Variants in F13B observed in about 807,000 individuals in gnomAD.
The protein encoded by F13B is coagulation factor XIII B chain.
F13B carries 58 observed loss-of-function variants against 79.8 expected under a neutral mutation model. The observed-to-expected ratio is 0.73, with a 90% confidence interval of 0.59 to 0.90. F13B has a LOEUF of 0.90. F13B is among the 40% of genes least tolerant of loss of function. The pLI, the probability that F13B is intolerant of heterozygous loss-of-function variation, is 0.00. For synonymous variants in F13B, 283 were observed against 260.3 expected (o/e 1.09, Z -0.84); for missense variants, 773 against 777.0 (o/e 0.99, Z 0.06).
chr1:197,053,501 T>C (rs893527875), intron 8 of F13B, among the ~76,000 whole-genome samples: 2 of 152,106 alleles, frequency 1.3e-5, no homozygotes, highest in African/African-American at 4.8e-5. Flanking sequence ...CGTTCCATGC[T>C]TCTCCTTTGT....
chr1:197,044,155 T>C (rs1376153985), intron 10 of F13B, among the ~76,000 whole-genome samples: 4 of 151,994 alleles, frequency 2.6e-5, no homozygotes, highest in Non-Finnish European at 5.9e-5. Context: ...CAGTGAGAAA[T>C]GGTACACTCC....
At position 197,049,883 on chromosome 1, in the gene F13B, A is replaced by C. The variant is rs10922158; in HGVS notation, c.1738+814T>G. 1.1e-3 allele frequency among the ~76,000 whole-genome samples: 169 copies of C among 152,318 alleles called. 1 individual carries two copies. The East Asian group carries it at 0.024, about 21-fold the overall frequency. On this transcript the variant is annotated intron_variant, in intron 10 of 11. Transcript: ENST00000367412. ...TGCTTTAACATTCAAAAGAAGCAAT[A>C]TAATTCATTAAATTTGCAGGGGAAA... is the stretch of plus-strand genomic sequence containing the variant.
Position 197,046,525 on chromosome 1 carries a change from T to C in F13B, c.1738+4172A>G, listed in dbSNP as rs1655237480. On this transcript the variant is annotated intron_variant, in intron 10 of 11. Transcript: ENST00000367412. The stretch of plus-strand genomic sequence containing the variant: ...CGAAATAAAAGATGACACAAACAAA[T>C]GGAAGAACATTCCATGCTCATGGAT... Among the ~76,000 whole-genome samples, 3 of 152,124 alleles carry C rather than the reference T, an allele frequency of 2.0e-5. No individual in the cohort carries two copies. In the South Asian group the frequency reaches 6.2e-4, roughly 32 times the overall value.
intron 8 of F13B, among the ~76,000 whole-genome samples, chr1:197,055,263 G>A (rs1479760983): frequency 1.3e-5 from 2 of 151,814 alleles, no homozygotes; most frequent in Non-Finnish European, 2.9e-5. Context: ...ATGAGGATGC[G>A]GTGGTAAAAT....
At chr1:197,067,131 G>T in intron 1 of F13B, 29 bp downstream of exon 1, 2 of 1,331,768 alleles carry the variant, frequency 1.5e-6, no homozygotes, top group Non-Finnish European at 2.2e-6. Context: ...ATGTTTTAGA[G>T]AATAAAGAAT....
At chr1:197,050,377 A>G (rs1655399777) in intron 10 of F13B, among the ~76,000 whole-genome samples, 1 of 152,026 alleles carries the variant, frequency 6.6e-6, no homozygotes. Context: ...ATGTTTCCCT[A>G]ATGTTTTCTA....
intron 5 of F13B, among the ~76,000 whole-genome samples, chr1:197,058,145 C>T (rs907711574): frequency 3.3e-5 from 5 of 152,188 alleles, no homozygotes; most frequent in African/African-American, 2.4e-5. Flanking sequence ...ACACAGCAGG[C>T]ATTTTACATT....
chr1:197,040,149 C>A (rs1235104710), intron 11 of F13B: 4 of 168,896 alleles, frequency 2.4e-5, no homozygotes, highest in East Asian at 1.7e-4. Flanking sequence ...CATTTTCCAA[C>A]CTTTATTAGT....
At chr1:197,063,853 G>A (rs1158304854) in intron 1 of F13B, among the ~76,000 whole-genome samples, 1 of 151,528 alleles carries the variant, frequency 6.6e-6, no homozygotes, top group Non-Finnish European at 1.5e-5. Flanking sequence ...TTTAAGTACT[G>A]TCTCCAATAG....
At chr1:197,047,659 A>AT (rs1369885941) in intron 10 of F13B, among the ~76,000 whole-genome samples, 1 of 152,228 alleles carries the variant, frequency 6.6e-6, no homozygotes, top group East Asian at 1.9e-4. Flanking sequence ...CCAAAGGATT[A>AT]TAAGTCATTC....
In F13B at chr1:197,043,931, T is replaced by A. The variant is rs550286163; in HGVS notation, c.1739-3196A>T. ...ATCAAGTACATCAAGGTTCAAGGAA[T>A]GCTACTAACTTGAAGAACAAAATGT... On this transcript the variant is annotated intron_variant, in intron 10 of 11. Coordinates refer to ENST00000367412, the MANE Select transcript of F13B (RefSeq NM_001994.3). 1.2e-4 allele frequency among the ~76,000 whole-genome samples: 19 copies of A among 152,160 alleles called. No individual in the cohort carries two copies. The South Asian group carries it at 3.9e-3, about 32-fold the overall frequency.
intron 10 of F13B, 45 bp downstream of exon 10, chr1:197,050,652 A>G: frequency 6.4e-7 from 1 of 1,557,676 alleles, no homozygotes; most frequent in Non-Finnish European, 8.8e-7. Context: ...GCAAATTAAA[A>G]ATATATAGTT....
At chr1:197,057,514 T>C in intron 5 of F13B, 49 bp from the exon 6 acceptor site, 1 of 1,536,782 alleles carries the variant, frequency 6.5e-7, no homozygotes, top group Non-Finnish European at 8.9e-7. Context: ...TTACAAAAAA[T>C]AATAAAGATT....
At chr1:197,063,575 C>G (rs1393043913) in intron 1 of F13B, among the ~76,000 whole-genome samples, 3 of 152,068 alleles carry the variant, frequency 2.0e-5, no homozygotes, top group African/African-American at 7.2e-5. Context: ...CTGCTTTGGC[C>G]TCCCAAAGCA....
intron 7 of F13B, among the ~76,000 whole-genome samples, 181 bp downstream of exon 7, chr1:197,056,832 T>C (rs1571564126): frequency 6.6e-6 from 1 of 152,174 alleles, no homozygotes; most frequent in Non-Finnish European, 1.5e-5. Flanking sequence ...ATTCTACAGA[T>C]AGCTACACAT....
intron 8 of F13B, 96 bp from the exon 9 acceptor site, chr1:197,052,930 A>G (rs967333428): frequency 1.1e-6 from 1 of 871,322 alleles, no homozygotes; most frequent in Non-Finnish European, 1.8e-6. Context: ...TTCAAAAGCA[A>G]TATTTTATAA....
At chr1:197,059,632 C>T (rs1655775635) in intron 5 of F13B, among the ~76,000 whole-genome samples, 1 of 152,234 alleles carries the variant, frequency 6.6e-6, no homozygotes, top group African/African-American at 2.4e-5. Context: ...TGCTATTCCA[C>T]AGCATACCAA....
intron 7 of F13B, among the ~76,000 whole-genome samples, chr1:197,056,293 G>T (rs1655638676): frequency 6.6e-6 from 1 of 151,988 alleles, no homozygotes; most frequent in African/African-American, 2.4e-5. Context: ...GACCCATGAA[G>T]GAAATATCAA....
chr1:197,052,585 G>T, intron 9 of F13B, 49 bp downstream of exon 9: 1 of 1,253,310 alleles, frequency 8.0e-7, no homozygotes. Context: ...AACCGAGGTA[G>T]CAGATATTGG....
Sources: allele counts gnomAD v4.1 joint callset (sites outside exome capture counted in the v4.1 genomes callset), GRCh38; gene constraint gnomAD v4.1.1; transcripts MANE v1.5; gene names NCBI Gene and HGNC (gene_info 2026-07-23, HGNC 2026-07-21).